PRKCZ: variants seen among roughly 807,000 people sequenced by gnomAD.
PRKCZ encodes protein kinase C zeta type.
Under a neutral mutation model 79.5 loss-of-function variants are expected in PRKCZ, and 33 were observed. That is an observed-to-expected ratio of 0.41 (90% CI 0.31 to 0.55). The LOEUF (loss-of-function observed/expected upper bound fraction) is 0.55. Ranked by LOEUF, PRKCZ falls within the 20% of genes least tolerant of loss-of-function variation. PRKCZ has a pLI of 0.19. For missense variants in PRKCZ, 578 were observed against 813.5 expected, an observed-to-expected ratio of 0.71 and a Z score of 3.52; for synonymous variants, 342 against 320.9, an observed-to-expected ratio of 1.07 and a Z score of -0.70.
At chr1:2,154,492 C>T (rs144247040) in intron 9 of PRKCZ, among the ~76,000 whole-genome samples, 15 of 152,188 alleles carry the variant, frequency 9.9e-5, no homozygotes, top group African/African-American at 3.1e-4. Context: ...TTTGTTTCCA[C>T]GAAACTTCCG....
chr1:2,166,735 C>CCCCCCA (rs1683400303), intron 10 of PRKCZ, among the ~76,000 whole-genome samples: 2 of 152,114 alleles, frequency 1.3e-5, no homozygotes, highest in Non-Finnish European at 2.9e-5. Flanking sequence ...GCACCTTCAG[C>CCCCCCA]CCCCCACCCC....
At position 2,127,940 on chromosome 1, in the gene PRKCZ, G is replaced by A. The variant is rs540952776; in HGVS notation, c.335-7322G>A. Among the ~76,000 whole-genome samples the A allele has an allele frequency of 6.6e-6, 1 of 152,364 alleles. No individual in the cohort carries two copies. The highest frequency in any genetic ancestry group is 2.1e-4 in the South Asian group (1 of 4,832). On this transcript the variant is annotated intron_variant, in intron 4 of 17. Coordinates refer to ENST00000378567, the MANE Select transcript of PRKCZ (RefSeq NM_002744.6). The surrounding 1 kb of genome is among the most constrained non-coding windows in gnomAD (Gnocchi z 5.1). ...AATTTGCGGTCATTGCTGTTCTTGT[G>A]TCTCTATTTGCCTAGGACATGCTGG...
At chr1:2,161,183 GC>G (rs1682215979) in intron 10 of PRKCZ, among the ~76,000 whole-genome samples, 1 of 152,228 alleles carries the variant, frequency 6.6e-6, no homozygotes, top group African/African-American at 2.4e-5. Context: ...CCTTTGTTCT[GC>G]CGACACACGG....
intron 16 of PRKCZ, among the ~76,000 whole-genome samples, chr1:2,181,310 C>G (rs532755349): frequency 8.5e-5 from 13 of 152,312 alleles, no homozygotes; most frequent in Middle Eastern, 3.4e-3. Context: ...GGCTATTTCT[C>G]AGATGTCCCT....
At chr1:2,135,123 C>A in intron 4 of PRKCZ, 139 bp from the exon 5 acceptor site, 1 of 659,210 alleles carries the variant, frequency 1.5e-6, no homozygotes, top group Non-Finnish European at 2.5e-6. Flanking sequence ...GGGAGGCCGT[C>A]ATTCCAGCCC....
intron 4 of PRKCZ, among the ~76,000 whole-genome samples, chr1:2,108,653 G>T (rs571714348): frequency 1.3e-5 from 2 of 152,334 alleles, no homozygotes; most frequent in African/African-American, 4.8e-5. Context: ...TGGCCTGGTG[G>T]CCGTGGGAGA....
At chr1:2,093,929 C>G (rs1384607715) in intron 4 of PRKCZ, among the ~76,000 whole-genome samples, 1 of 151,410 alleles carries the variant, frequency 6.6e-6, no homozygotes, top group East Asian at 2.0e-4. Flanking sequence ...GCACTAAGGG[C>G]TGAGTGTGGG....
chr1:2,073,421 C>G (rs1226852567), intron 4 of PRKCZ: 1 of 159,546 alleles, frequency 6.3e-6, no homozygotes, highest in African/African-American at 2.4e-5. Flanking sequence ...GGTCAGAGGT[C>G]ACTCGCCACG....
At chr1:2,170,801 G>A (rs1013815967) in intron 11 of PRKCZ, among the ~76,000 whole-genome samples, 3 of 152,204 alleles carry the variant, frequency 2.0e-5, no homozygotes, top group Admixed American at 6.5e-5. Context: ...AGATTCATCC[G>A]TGCTGTGGCC....
At chr1:2,108,845 GGGTGCGAGTGCAGAT>G (rs1190204567) in intron 4 of PRKCZ, among the ~76,000 whole-genome samples, 1 of 152,222 alleles carries the variant, frequency 6.6e-6, no homozygotes, top group Non-Finnish European at 1.5e-5. Context: ...GCGGTCTGGA[GGGTGCGAGTGCAGAT>G]GGAGCTCACT....
chr1:2,111,390 G>A (rs568318172), intron 4 of PRKCZ, among the ~76,000 whole-genome samples: 6 of 152,054 alleles, frequency 3.9e-5, no homozygotes, highest in Middle Eastern at 3.4e-3. Context: ...CTGAGCCTCC[G>A]AGAAGTGATG....
chr1:2,089,971 G>C (rs891231895), intron 4 of PRKCZ, among the ~76,000 whole-genome samples: 14 of 152,158 alleles, frequency 9.2e-5, no homozygotes, highest in Non-Finnish European at 1.9e-4. Flanking sequence ...GGCAGGGCTG[G>C]TTCCCGGAGG....
At chr1:2,059,337 T>A (rs1660460082) in intron 3 of PRKCZ, among the ~76,000 whole-genome samples, 1 of 152,246 alleles carries the variant, frequency 6.6e-6, no homozygotes, top group Non-Finnish European at 1.5e-5. Context: ...ACTCTAAGTT[T>A]TTCCGTGGGT....
In PRKCZ at chr1:2,177,155, C is replaced by G. The variant is rs1277615511; in HGVS notation, c.1575+1842C>G. Among the ~76,000 whole-genome samples the G allele has an allele frequency of 1.3e-5, 2 of 152,144 alleles. No homozygotes were observed. Among genetic ancestry groups the G allele is most frequent in the African/African-American group, 2.4e-5 (1 of 41,420 alleles). Reference sequence around the variant, plus strand: ...GGTTACTGGTGGCGTTCCCCTATCTCAGGCCACACCTGGCCTAGCTGGTGT... The same window carrying G: ...GGTTACTGGTGGCGTTCCCCTATCTGAGGCCACACCTGGCCTAGCTGGTGT... On this transcript the variant is annotated intron_variant, in intron 16 of 17. Transcript: ENST00000378567. This position sits in a 1 kb window ranked among gnomAD's most constrained non-coding sequence, Gnocchi z 6.4.
intron 10 of PRKCZ, chr1:2,169,261 C>T (rs1053237304): frequency 1.3e-5 from 7 of 529,390 alleles, no homozygotes; most frequent in African/African-American, 9.5e-5. Context: ...CTTCCCAAGT[C>T]CACACACAGT....
At chr1:2,104,018 G>A (rs1033396853) in intron 4 of PRKCZ, among the ~76,000 whole-genome samples, 7 of 152,216 alleles carry the variant, frequency 4.6e-5, no homozygotes, top group East Asian at 1.9e-4. Flanking sequence ...AGCACCGCAC[G>A]CAGACGGGAG....
chr1:2,073,193 C>T (rs144136183), intron 4 of PRKCZ, among the ~76,000 whole-genome samples: 350 of 152,192 alleles, frequency 2.3e-3, no homozygotes, highest in Middle Eastern at 0.014. Flanking sequence ...GTTTCCAGGC[C>T]AGCCGGGACA....
rs1409217602 is a variant in PRKCZ at position 2,082,920 on chromosome 1, A to G, written c.334+23329A>G. 6.6e-6 allele frequency among the ~76,000 whole-genome samples: 1 copy of G among 151,400 alleles called. No homozygotes were observed. Among genetic ancestry groups the G allele is most frequent in the East Asian group, 1.9e-4 (1 of 5,146 alleles). On this transcript the variant is annotated intron_variant, in intron 4 of 17. Transcript: ENST00000378567. The surrounding 1 kb of genome is among the most constrained non-coding windows in gnomAD (Gnocchi z 4.4). ...GAGAGGGTGGCAGTGAGGGCGCGAG[A>G]GGGTGGAGGGGCGGCATGAGGGAGC...
At chr1:2,059,497 C>A (rs778291581) in intron 3 of PRKCZ, 44 bp from the exon 4 acceptor site, 2 of 1,609,146 alleles carry the variant, frequency 1.2e-6, no homozygotes, top group African/African-American at 1.3e-5. Flanking sequence ...TGTTGAGTGG[C>A]AGCCGCAGGG....
Sources: allele counts gnomAD v4.1 joint callset (sites outside exome capture counted in the v4.1 genomes callset), GRCh38; gene constraint gnomAD v4.1.1; non-coding constraint Gnocchi (gnomAD v3.1); transcripts MANE v1.5; gene names NCBI Gene and HGNC (gene_info 2026-07-23, HGNC 2026-07-21).